Variants in DACH2 observed in about 807,000 individuals in gnomAD.
The protein encoded by DACH2 is dachshund family transcription factor 2, also known as dachshund homolog 2.
Under a neutral mutation model 35.8 loss-of-function variants are expected in DACH2, and 17 were observed. That is an observed-to-expected ratio of 0.48 (90% CI 0.33 to 0.71). The LOEUF (loss-of-function observed/expected upper bound fraction) is 0.71. Ranked by LOEUF, DACH2 falls within the 30% of genes least tolerant of loss-of-function variation. The pLI is 0.02. For missense variants in DACH2, 469 were observed against 472.7 expected (o/e 0.99, Z 0.07); for synonymous variants, 195 against 177.3 (o/e 1.10, Z -0.79).
At chrX:86,546,404 C>CTTCTTCTTCTT (rs774988785) in intron 3 of DACH2, among the ~76,000 whole-genome samples, 3 of 21,651 alleles carry the variant, frequency 1.4e-4, no homozygotes, top group Non-Finnish European at 3.1e-4. Flanking sequence ...TCTTCTTCTT[C>CTTCTTCTTCTT]CTTCTTCTTC....
chrX:86,180,769 A>C (rs2031462236), intron 1 of DACH2, among the ~76,000 whole-genome samples: 1 of 111,919 alleles, frequency 8.9e-6, no homozygotes, highest in Admixed American at 9.6e-5. Context: ...TTACAGGGAA[A>C]AATGCTTAAT....
At chrX:86,512,407 T>C (rs1311995619) in intron 2 of DACH2, among the ~76,000 whole-genome samples, 2 of 111,167 alleles carry the variant, frequency 1.8e-5, no homozygotes, top group African/African-American at 6.6e-5. Flanking sequence ...TTGCTTCAGA[T>C]AGTGAGAATT....
chrX:86,719,656 G>A lies in DACH2; in HGVS notation c.1104+4936G>A, dbSNP rs753107485. Reference sequence around the variant, plus strand: ...CAGGAGAGAGAATGACCGCCAACAGGGGAAATGCCAGACATTTATAAAAAC... The same window carrying A: ...CAGGAGAGAGAATGACCGCCAACAGAGGAAATGCCAGACATTTATAAAAAC... On this transcript the variant is annotated intron_variant, in intron 6 of 11. Transcript: ENST00000373125. Among the ~76,000 whole-genome samples the A allele has an allele frequency of 1.5e-3, 166 of 111,278 alleles. 1 individual carries two copies. Among genetic ancestry groups the A allele is most frequent in the African/African-American group, 5.1e-3 (157 of 30,587 alleles).
chrX:86,429,921 A>C (rs2036959349), intron 2 of DACH2, among the ~76,000 whole-genome samples: 1 of 112,329 alleles, frequency 8.9e-6, no homozygotes, highest in Admixed American at 9.5e-5. Flanking sequence ...AGAATTTTAT[A>C]GAGATAAATC....
At chrX:86,416,733 G>A (rs1403690804) in intron 2 of DACH2, among the ~76,000 whole-genome samples, 1 of 110,846 alleles carries the variant, frequency 9.0e-6, no homozygotes, top group Non-Finnish European at 1.9e-5. Context: ...AGGCAAAGGG[G>A]AGCAGACATC....
At chrX:86,650,348 G>T (rs1279375604) in intron 3 of DACH2, among the ~76,000 whole-genome samples, 1 of 111,098 alleles carries the variant, frequency 9.0e-6, no homozygotes, top group Non-Finnish European at 1.9e-5. Context: ...AGATAAAAAG[G>T]TAGAAAGAAT....
chrX:86,732,897 C>T (rs1447329772), intron 6 of DACH2, among the ~76,000 whole-genome samples: 1 of 111,011 alleles, frequency 9.0e-6, no homozygotes. Context: ...CAAAGGGAGG[C>T]CCCACCATTA....
chrX:86,256,819 T>G (rs1880206854), intron 1 of DACH2, among the ~76,000 whole-genome samples: 1 of 111,734 alleles, frequency 8.9e-6, no homozygotes, highest in Non-Finnish European at 1.9e-5. Flanking sequence ...TGAGAATTTT[T>G]GTGTTTAGAG....
chrX:86,524,068 A>G (rs892989693), intron 3 of DACH2, among the ~76,000 whole-genome samples: 6 of 112,608 alleles, frequency 5.3e-5, no homozygotes, highest in Non-Finnish European at 7.5e-5. Context: ...ACCTTGGCCT[A>G]TGCCCAGGAA....
At chrX:86,305,111 T>C in intron 1 of DACH2, 1 of 142,748 alleles carries the variant, frequency 7.0e-6, no homozygotes, top group Non-Finnish European at 1.6e-5. Flanking sequence ...CAGGGACCCC[T>C]GAGAGTGCTT....
intron 3 of DACH2, among the ~76,000 whole-genome samples, chrX:86,644,025 G>C (rs1194845434): frequency 1.8e-5 from 2 of 111,313 alleles, no homozygotes; most frequent in Non-Finnish European, 3.8e-5. Flanking sequence ...ACGTGCAAAA[G>C]CTGGAAGTAT....
At chrX:86,194,351 G>T (rs1033798001) in intron 1 of DACH2, among the ~76,000 whole-genome samples, 1 of 111,527 alleles carries the variant, frequency 9.0e-6, no homozygotes, top group Non-Finnish European at 1.9e-5. Flanking sequence ...ATTTGAACTG[G>T]ATATTGGGGG....
At chrX:86,500,225 G>A (rs1377165225) in intron 2 of DACH2, among the ~76,000 whole-genome samples, 7 of 111,630 alleles carry the variant, frequency 6.3e-5, no homozygotes, top group African/African-American at 2.0e-4. Flanking sequence ...TAATAGATCA[G>A]TATGTCTTCG....
chrX:86,173,629 T>G (rs913030337), intron 1 of DACH2, among the ~76,000 whole-genome samples: 1 of 111,615 alleles, frequency 9.0e-6, no homozygotes, highest in Admixed American at 9.5e-5. Flanking sequence ...GGGGAGAGTG[T>G]TCATAATGGA....
chrX:86,810,226 G>A (rs2042382100), intron 7 of DACH2, among the ~76,000 whole-genome samples: 1 of 111,365 alleles, frequency 9.0e-6, no homozygotes, highest in Admixed American at 9.6e-5. Flanking sequence ...ATTTAATGTA[G>A]TTATAATTTT....
intron 3 of DACH2, among the ~76,000 whole-genome samples, chrX:86,554,239 T>A (rs1205259046): frequency 2.7e-5 from 3 of 111,288 alleles, no homozygotes; most frequent in African/African-American, 3.3e-5. Flanking sequence ...CCAGAGGCAG[T>A]CTGCACATAA....
chrX:86,603,748 A>G (rs1421918177), intron 3 of DACH2, among the ~76,000 whole-genome samples: 1 of 111,144 alleles, frequency 9.0e-6, no homozygotes, highest in Non-Finnish European at 1.9e-5. Flanking sequence ...CTTTCTCTTG[A>G]GCTTAAAGTG....
intron 1 of DACH2, among the ~76,000 whole-genome samples, chrX:86,294,242 A>T: frequency 9.0e-6 from 1 of 110,980 alleles, no homozygotes; most frequent in Admixed American, 9.6e-5. Context: ...TGCATTCTTC[A>T]CGTAGTTCTC....
intron 7 of DACH2, among the ~76,000 whole-genome samples, chrX:86,800,895 C>G (rs767576308): frequency 8.3e-4 from 92 of 110,595 alleles, no homozygotes; most frequent in Non-Finnish European, 1.5e-3. Context: ...GTCTTGAACT[C>G]CTGACCTCAA....
Sources: gnomAD v4.1 joint callset for allele counts (sites outside exome capture counted in the v4.1 genomes callset) on GRCh38, gnomAD v4.1.1 for gene constraint, MANE v1.5 for transcripts, NCBI Gene and HGNC (gene_info 2026-07-23, HGNC 2026-07-21) for gene names.